KCNIP4: variants seen among roughly 807,000 people sequenced by gnomAD.
KCNIP4 encodes potassium voltage-gated channel interacting protein 4, also known as Kv channel-interacting protein 4.
KCNIP4 carries 12 observed loss-of-function variants against 34.0 expected under a neutral mutation model. That is an observed-to-expected ratio of 0.35 (90% CI 0.23 to 0.57). The LOEUF is 0.57. KCNIP4 is among the 20% of genes least tolerant of loss of function. The pLI is 0.83. For missense variants in KCNIP4, 238 were observed against 311.7 expected (o/e 0.76, Z 1.78); for synonymous variants, 124 against 102.2 (o/e 1.21, Z -1.29).
intron 1 of KCNIP4, among the ~76,000 whole-genome samples, chr4:20,972,706 T>G (rs1209049707): frequency 1.3e-5 from 2 of 152,106 alleles, no homozygotes; most frequent in Non-Finnish European, 2.9e-5. Context: ...TATTGTGAAG[T>G]GCAAAGCAAT....
intron 1 of KCNIP4, among the ~76,000 whole-genome samples, chr4:21,128,169 A>G (rs1577741207): frequency 6.6e-6 from 1 of 152,340 alleles, no homozygotes; most frequent in East Asian, 1.9e-4. Context: ...AGAAACCAGA[A>G]CAGCTTGAAA....
intron 1 of KCNIP4, among the ~76,000 whole-genome samples, chr4:21,366,424 C>T (rs1447601968): frequency 6.6e-6 from 1 of 152,104 alleles, no homozygotes; most frequent in Admixed American, 6.6e-5. Context: ...AAAACAAAGG[C>T]AGAGGAAAAA....
chr4:21,054,725 A>G (rs1378632020), intron 1 of KCNIP4, among the ~76,000 whole-genome samples: 1 of 150,900 alleles, frequency 6.6e-6, no homozygotes, highest in East Asian at 1.9e-4. Flanking sequence ...AAAAAAAAAA[A>G]AGAATCTAGA....
chr4:21,724,745 T>C lies in KCNIP4; in HGVS notation c.61+223826A>G, dbSNP rs112514795. 8.8e-3 allele frequency among the ~76,000 whole-genome samples: 1,333 copies of C among 152,272 alleles called. 19 individuals carry two copies. The highest frequency in any genetic ancestry group is 0.039 in the South Asian group (188 of 4,832). ...CATAACTTTTCAAAGTATTATCATT[T>C]TGAAGTGAAGAGATGATGGAGACTG... On this transcript the variant is annotated intron_variant, in intron 1 of 8. Coordinates refer to ENST00000382152, the MANE Select transcript of KCNIP4 (RefSeq NM_025221.6).
At chr4:21,235,545 C>T (rs1321787011) in intron 1 of KCNIP4, among the ~76,000 whole-genome samples, 2 of 152,182 alleles carry the variant, frequency 1.3e-5, no homozygotes, top group Non-Finnish European at 2.9e-5. Flanking sequence ...AACGTCCCTC[C>T]TCAGAGATGC....
intron 1 of KCNIP4, among the ~76,000 whole-genome samples, chr4:21,834,701 C>T (rs548637100): frequency 1.1e-4 from 17 of 151,802 alleles, no homozygotes; most frequent in Non-Finnish European, 1.9e-4. Context: ...CCAGTTTTTG[C>T]CCATTCAGTA....
At chr4:21,217,740 G>A (rs946892397) in intron 1 of KCNIP4, among the ~76,000 whole-genome samples, 1 of 152,080 alleles carries the variant, frequency 6.6e-6, no homozygotes, top group Non-Finnish European at 1.5e-5. Flanking sequence ...CAAAGGCATG[G>A]AAGGAATTAA....
intron 1 of KCNIP4, among the ~76,000 whole-genome samples, chr4:21,132,719 A>T (rs41429844): frequency 0.094 from 14,247 of 152,006 alleles, 830 homozygotes; most frequent in East Asian, 0.17. Flanking sequence ...AGAATAAGAA[A>T]TTTTTGCGGC....
intron 1 of KCNIP4, among the ~76,000 whole-genome samples, chr4:21,793,185 T>C (rs1445217280): frequency 1.3e-5 from 2 of 152,336 alleles, no homozygotes; most frequent in African/African-American, 2.4e-5. Flanking sequence ...CCAGCAAATA[T>C]AAGATAGTAT....
At chr4:21,035,917 G>A (rs776321730) in intron 1 of KCNIP4, among the ~76,000 whole-genome samples, 1 of 152,108 alleles carries the variant, frequency 6.6e-6, no homozygotes, top group Non-Finnish European at 1.5e-5. Flanking sequence ...ATATCTTCTA[G>A]CCAGATTGAT....
chr4:21,347,765 T>G (rs1294543530), intron 1 of KCNIP4, among the ~76,000 whole-genome samples: 2 of 152,210 alleles, frequency 1.3e-5, no homozygotes, highest in African/African-American at 4.8e-5. Context: ...CCTTCATTCC[T>G]TCCTCTCTTC....
At chr4:21,847,178 T>C (rs573714411) in intron 1 of KCNIP4, 1 of 152,268 alleles carries the variant, frequency 6.6e-6, no homozygotes, top group East Asian at 1.9e-4. Context: ...AATACCTTTT[T>C]TCCATACTTG....
intron 1 of KCNIP4, among the ~76,000 whole-genome samples, chr4:21,063,673 A>T (rs866528871): frequency 7.2e-5 from 11 of 152,136 alleles, no homozygotes; most frequent in African/African-American, 2.2e-4. Context: ...TAAATTCCAA[A>T]AATAATATCA....
chr4:21,883,159 GTT>G (rs71193418), intron 1 of KCNIP4, among the ~76,000 whole-genome samples: 10 of 138,084 alleles, frequency 7.2e-5, no homozygotes, highest in South Asian at 2.3e-4. Flanking sequence ...CTGAGTTGTT[GTT>G]TTTTTTTTTT....
chr4:21,245,836 C>G (rs957835868), intron 1 of KCNIP4, among the ~76,000 whole-genome samples: 3 of 152,090 alleles, frequency 2.0e-5, no homozygotes, highest in African/African-American at 7.2e-5. Context: ...CAACACGTAG[C>G]TAGGGTGTCA....
chr4:21,817,623 C>A (rs1308882873), intron 1 of KCNIP4, among the ~76,000 whole-genome samples: 1 of 152,096 alleles, frequency 6.6e-6, no homozygotes, highest in East Asian at 1.9e-4. Context: ...TATTAATACC[C>A]TGGGAAAGGA....
At chr4:21,854,739 T>C (rs1457015052) in intron 1 of KCNIP4, among the ~76,000 whole-genome samples, 1 of 152,200 alleles carries the variant, frequency 6.6e-6, no homozygotes, top group Non-Finnish European at 1.5e-5. Flanking sequence ...TTGACATCTC[T>C]TTTGGAAACC....
At chr4:21,686,863 T>C (rs1045369677) in intron 1 of KCNIP4, among the ~76,000 whole-genome samples, 1 of 151,468 alleles carries the variant, frequency 6.6e-6, no homozygotes, top group Non-Finnish European at 1.5e-5. Flanking sequence ...TAAAGACACA[T>C]GCACACGTAT....
chr4:21,295,993 G>A (rs371437532), intron 1 of KCNIP4, among the ~76,000 whole-genome samples: 3 of 152,002 alleles, frequency 2.0e-5, no homozygotes, highest in African/African-American at 4.8e-5. Flanking sequence ...TAGCATTTAC[G>A]GTTTGTATCT....
Sources: gnomAD v4.1 joint callset for allele counts (sites outside exome capture counted in the v4.1 genomes callset) on GRCh38, gnomAD v4.1.1 for gene constraint, MANE v1.5 for transcripts, NCBI Gene and HGNC (gene_info 2026-07-23, HGNC 2026-07-21) for gene names.